The following CPS1 variants were observed in gnomAD, a reference collection of about 807,000 sequenced individuals.
CPS1 encodes carbamoyl-phosphate synthase 1, also known as carbamoyl-phosphate synthase [ammonia], mitochondrial.
Under a neutral mutation model 174.6 loss-of-function variants are expected in CPS1, and 109 were observed. That is an observed-to-expected ratio of 0.62 (90% CI 0.53 to 0.73). CPS1 has a LOEUF of 0.73. Ranked by LOEUF, CPS1 falls within the 30% of genes least tolerant of loss-of-function variation. The pLI, the probability that CPS1 is intolerant of heterozygous loss-of-function variation, is 0.00. For synonymous variants in CPS1, 637 were observed against 632.0 expected, an observed-to-expected ratio of 1.01 and a Z score of -0.12; for missense variants, 1,689 against 1,821.9, an observed-to-expected ratio of 0.93 and a Z score of 1.33.
chr2:210,671,158 C>T (rs1433283115), intron 34 of CPS1, among the ~76,000 whole-genome samples: 1 of 152,146 alleles, frequency 6.6e-6, no homozygotes, highest in Non-Finnish European at 1.5e-5. Context: ...TAGAGTAGAT[C>T]AAGAGCACTC....
intron 11 of CPS1, 39 bp from the exon 12 acceptor site, chr2:210,594,468 AT>A: frequency 1.4e-6 from 2 of 1,395,380 alleles, no homozygotes; most frequent in Non-Finnish European, 2.0e-6. Context: ...GAACTTAGGA[AT>A]TTTGAAGCTT....
chr2:210,566,774 AT>A (rs1330824748), intron 1 of CPS1, among the ~76,000 whole-genome samples: 1 of 152,080 alleles, frequency 6.6e-6, no homozygotes, highest in Non-Finnish European at 1.5e-5. Context: ...TTTTGTGAAG[AT>A]TAGATGAGAA....
intron 1 of CPS1, among the ~76,000 whole-genome samples, chr2:210,489,389 A>G (rs1184916867): frequency 6.6e-6 from 1 of 152,152 alleles, no homozygotes; most frequent in African/African-American, 2.4e-5. Context: ...TGGGTGTCAC[A>G]TAGGTAGATG....
chr2:210,563,051 G>A (rs921580350), intron 1 of CPS1, among the ~76,000 whole-genome samples: 1 of 151,906 alleles, frequency 6.6e-6, no homozygotes, highest in African/African-American at 2.4e-5. Context: ...GTTTTTGTAC[G>A]TAAAACAAAA....
At chr2:210,641,780 G>A (rs13416810) in intron 24 of CPS1, among the ~76,000 whole-genome samples, 34,796 of 152,166 alleles carry the variant, frequency 0.23, 8,086 homozygotes, top group African/African-American at 0.6. Context: ...TGAATAACGT[G>A]TTTTCACAAG....
At chr2:210,496,187 G>A (rs538644596) in intron 1 of CPS1, among the ~76,000 whole-genome samples, 3 of 152,040 alleles carry the variant, frequency 2.0e-5, no homozygotes, top group African/African-American at 7.2e-5. Flanking sequence ...TCTGTCCCTG[G>A]GTTCTGTGAT....
chr2:210,632,269 G>C (rs1490815334), intron 21 of CPS1, among the ~76,000 whole-genome samples: 1 of 152,226 alleles, frequency 6.6e-6, no homozygotes, highest in Non-Finnish European at 1.5e-5. Context: ...GGCAGATAAA[G>C]ATGAGGAACA....
At chr2:210,671,737 T>G (rs1440916236) in intron 34 of CPS1, 1 of 152,202 alleles carries the variant, frequency 6.6e-6, no homozygotes, top group Non-Finnish European at 1.5e-5. Flanking sequence ...TAGAGTGGTT[T>G]CCTGGCTGGG....
At chr2:210,600,261 G>A (rs1271852600) in intron 14 of CPS1, among the ~76,000 whole-genome samples, 2 of 151,706 alleles carry the variant, frequency 1.3e-5, no homozygotes, top group African/African-American at 4.8e-5. Context: ...GACTTTAGGA[G>A]GAAAGGGAAT....
At chr2:210,631,739 A>C (rs1394253880) in intron 21 of CPS1, among the ~76,000 whole-genome samples, 47 of 152,240 alleles carry the variant, frequency 3.1e-4, no homozygotes, top group Non-Finnish European at 1.5e-5. Context: ...TTGAACTCTC[A>C]AAGCAAGGCA....
chr2:210,516,309 A>C (rs1166221997), intron 1 of CPS1, among the ~76,000 whole-genome samples: 1 of 151,782 alleles, frequency 6.6e-6, no homozygotes, highest in Non-Finnish European at 1.5e-5. Context: ...AGTTCGGTTG[A>C]TGACTTCTTA....
intron 21 of CPS1, among the ~76,000 whole-genome samples, chr2:210,636,749 G>A (rs1700052643): frequency 6.6e-6 from 1 of 152,090 alleles, no homozygotes; most frequent in Non-Finnish European, 1.5e-5. Flanking sequence ...CTTCACAAAT[G>A]AGGCTTGGCT....
intron 24 of CPS1, among the ~76,000 whole-genome samples, chr2:210,641,885 G>T (rs1256958640): frequency 1.3e-5 from 2 of 152,216 alleles, no homozygotes; most frequent in Admixed American, 1.3e-4. Flanking sequence ...ATTTTGAGGT[G>T]TTTAGGCCAT....
At chr2:210,586,819 A>G (rs914037631) in intron 6 of CPS1, among the ~76,000 whole-genome samples, 1 of 152,088 alleles carries the variant, frequency 6.6e-6, no homozygotes, top group Non-Finnish European at 1.5e-5. Context: ...TAAAATGCGT[A>G]TTTGTATCAG....
chr2:210,587,111 A>AC (rs1698137264), intron 6 of CPS1, among the ~76,000 whole-genome samples: 1 of 151,932 alleles, frequency 6.6e-6, no homozygotes, highest in African/African-American at 2.4e-5. Flanking sequence ...GAGAAAAAAA[A>AC]CCCCAGATAT....
Position 210,677,110 on chromosome 2 carries a change from G to A in CPS1, c.4378G>A (p.Gly1460Arg). 2 of 1,613,834 alleles carry A rather than the reference G, an allele frequency of 1.2e-6. No individual in the cohort carries two copies. Among genetic ancestry groups the A allele is most frequent in the South Asian group, 1.1e-5 (1 of 91,076 alleles). The change falls in exon 37 of 38, where the codon GGA (glycine) becomes AGA (arginine). Residue 1460 changes from glycine (G) to arginine (R), a missense_variant. Gly to Arg is a moderately radical substitution (Grantham distance 125). Coordinates refer to ENST00000233072, the MANE Select transcript of CPS1 (RefSeq NM_001875.5). ...GATTCGGAGGACAGCTGTTGATAGT[G>A]GAATCCCTCTCCTCACTAATTTTCA... ...YVIRRTAVDS[G>R]IPLLTNFQVT...
At chr2:210,488,505 G>A (rs970634464) in intron 1 of CPS1, among the ~76,000 whole-genome samples, 1 of 152,184 alleles carries the variant, frequency 6.6e-6, no homozygotes, top group Admixed American at 6.5e-5. Context: ...ACAGATTGTA[G>A]TTTTCCAACT....
At chr2:210,639,872 A>G in intron 23 of CPS1, 124 bp from the exon 24 acceptor site, 2 of 738,812 alleles carry the variant, frequency 2.7e-6, no homozygotes, top group Non-Finnish European at 4.8e-6. Context: ...CCAGAGACTA[A>G]TAGAGAATAC....
Position 210,648,002 on chromosome 2 carries a change from C to A in CPS1, c.3281C>A (p.Ala1094Asp), listed in dbSNP as rs770287595. The change falls in exon 26 of 38, where the codon GCT becomes GAT. Residue 1094 changes from alanine to aspartate, a missense_variant. Ala to Asp is a moderately radical substitution (Grantham distance 126, BLOSUM62 -2). Coordinates refer to ENST00000233072, the MANE Select transcript of CPS1 (RefSeq NM_001875.5). Reference sequence around the variant, plus strand: ...GCTGAGGATCGCTCCATCTTCTCAGCTGTCTTGGATGAGCTGAAGGTGGCT... The same window carrying A: ...GCTGAGGATCGCTCCATCTTCTCAGATGTCTTGGATGAGCTGAAGGTGGCT... ...DRAEDRSIFS[A>D]VLDELKVAQA... 6.2e-7 allele frequency: 1 copy of A among 1,614,042 alleles called. No homozygotes were observed. The highest frequency in any genetic ancestry group is 2.2e-5 in the East Asian group (1 of 44,874).
Sources: allele counts gnomAD v4.1 joint callset (sites outside exome capture counted in the v4.1 genomes callset), GRCh38; gene constraint gnomAD v4.1.1; transcripts MANE v1.5; gene names NCBI Gene and HGNC (gene_info 2026-07-23, HGNC 2026-07-21).